Variants in SSPN observed in about 807,000 individuals in gnomAD.
SSPN encodes the protein sarcospan, also known as K-ras oncogene-associated protein.
SSPN carries 15 observed loss-of-function variants against 19.1 expected under a neutral mutation model. That is an observed-to-expected ratio of 0.78 (90% CI 0.52 to 1.21). The LOEUF (loss-of-function observed/expected upper bound fraction) is 1.21. Ranked by LOEUF, SSPN falls within the 50% of genes most tolerant of loss-of-function variation. The probability of loss-of-function intolerance (pLI) is 0.00; values close to 1 mark genes in which losing one functional copy is unlikely to be tolerated. For missense variants in SSPN, 291 were observed against 314.0 expected (o/e 0.93, Z 0.55); for synonymous variants, 147 against 140.3 (o/e 1.05, Z -0.34).
chr12:26,135,216 T>G (rs559060437), intron 1 of SSPN, among the ~76,000 whole-genome samples: 63 of 152,054 alleles, frequency 4.1e-4, no homozygotes, highest in African/African-American at 1.5e-3. Flanking sequence ...GGCGCAGAGT[T>G]TGGCCTGGCA....
rs1565671898 is a variant in SSPN at position 26,147,266 on chromosome 12, GGT to G, written c.-31+25115_-31+25116del. 5.4e-5 allele frequency among the ~76,000 whole-genome samples: 7 copies of G among 128,448 alleles called. No individual in the cohort carries two copies. In the South Asian group the frequency reaches 7.6e-4, roughly 14 times the overall value. 84.3% of individuals were successfully genotyped at this position (128,448 alleles called of 152,430 possible). On this transcript the variant is annotated intron_variant, in intron 1 of 2. Coordinates refer to the SSPN transcript ENST00000538142. ...AGAAAATGAAAACGATAATTTTTGG[GGT>G]TTTTTTTGTGTTTTTTTTTTTTGAG...
chr12:26,151,680 C>T (rs1384649761), intron 1 of SSPN, among the ~76,000 whole-genome samples: 1 of 152,112 alleles, frequency 6.6e-6, no homozygotes, highest in Non-Finnish European at 1.5e-5. Flanking sequence ...ATGACAAGAC[C>T]TGACCCTCAG....
At chr12:26,152,021 G>C (rs1283864076) in intron 1 of SSPN, among the ~76,000 whole-genome samples, 2 of 152,254 alleles carry the variant, frequency 1.3e-5, no homozygotes, top group African/African-American at 4.8e-5. Flanking sequence ...TCAATATTTT[G>C]TGCTATTCAT....
intron 1 of SSPN, among the ~76,000 whole-genome samples, chr12:26,137,274 A>G (rs970751050): frequency 7.9e-5 from 12 of 152,228 alleles, no homozygotes; most frequent in African/African-American, 2.9e-4. Context: ...GTCATTGCCC[A>G]TAATCTTGAC....
chr12:26,168,795 G>A (rs1281498627), intron 1 of SSPN, among the ~76,000 whole-genome samples: 2 of 152,166 alleles, frequency 1.3e-5, no homozygotes, highest in Non-Finnish European at 2.9e-5. Context: ...TTAGTGATTG[G>A]TTAGATGGAG....
At chr12:26,197,226 T>TAG (rs1362459568) in intron 1 of SSPN, among the ~76,000 whole-genome samples, 1 of 152,216 alleles carries the variant, frequency 6.6e-6, no homozygotes, top group African/African-American at 2.4e-5. Flanking sequence ...GGACAGACAT[T>TAG]AGAGAGACCT....
chr12:26,122,554 C>A, intron 1 of SSPN: 2 of 1,192,380 alleles, frequency 1.7e-6, no homozygotes, highest in Non-Finnish European at 1.0e-6. Context: ...CTGAGCAGGG[C>A]GGCGTCGGGT....
chr12:26,229,429 A>G (rs1483936577), intron 2 of SSPN, among the ~76,000 whole-genome samples: 2 of 152,248 alleles, frequency 1.3e-5, no homozygotes. Flanking sequence ...GTAAAAATGT[A>G]AATACAGCAT....
intron 1 of SSPN, among the ~76,000 whole-genome samples, chr12:26,218,780 G>A (rs1945087965): frequency 6.6e-6 from 1 of 152,190 alleles, no homozygotes; most frequent in African/African-American, 2.4e-5. Flanking sequence ...TGTGTTAACA[G>A]TCCTCCTAAG....
chr12:26,176,270 G>T (rs10842687), intron 1 of SSPN, among the ~76,000 whole-genome samples: 151,778 of 152,388 alleles, frequency 1, 75,586 homozygotes, highest in Middle Eastern at 1. Context: ...ATTCAGCCAC[G>T]CTATCTTTCA....
At chr12:26,163,459 T>C (rs947511161) in intron 1 of SSPN, among the ~76,000 whole-genome samples, 1 of 152,318 alleles carries the variant, frequency 6.6e-6, no homozygotes, top group East Asian at 1.9e-4. Context: ...TTATAAAGAA[T>C]AGAAATTTAT....
intron 1 of SSPN, among the ~76,000 whole-genome samples, chr12:26,219,453 G>A (rs907586691): frequency 2.0e-5 from 3 of 146,902 alleles, no homozygotes; most frequent in African/African-American, 7.6e-5. Flanking sequence ...AAGACAATGT[G>A]TGACAAGACT....
chr12:26,140,239 C>A (rs1205272592), intron 1 of SSPN, among the ~76,000 whole-genome samples: 1 of 152,136 alleles, frequency 6.6e-6, no homozygotes, highest in Non-Finnish European at 1.5e-5. Context: ...TGCTCCAAAC[C>A]CATGTAGTCT....
At chr12:26,153,136 C>T (rs961569185) in intron 1 of SSPN, among the ~76,000 whole-genome samples, 2 of 152,174 alleles carry the variant, frequency 1.3e-5, no homozygotes, top group Non-Finnish European at 2.9e-5. Context: ...CCGTCATATT[C>T]CCTTGTTCTC....
At chr12:26,177,529 C>T (rs1944691936) in intron 1 of SSPN, among the ~76,000 whole-genome samples, 1 of 152,146 alleles carries the variant, frequency 6.6e-6, no homozygotes, top group African/African-American at 2.4e-5. Context: ...ACCCATTCTG[C>T]CCCACCCGTA....
intron 1 of SSPN, among the ~76,000 whole-genome samples, chr12:26,137,798 G>A (rs1433222172): frequency 1.3e-5 from 2 of 150,330 alleles, no homozygotes; most frequent in Non-Finnish European, 3.0e-5. Context: ...CCGAGTAGCT[G>A]GGATTACAGG....
At chr12:26,189,015 T>TTTTTTG (rs887405400) in intron 1 of SSPN, among the ~76,000 whole-genome samples, 4 of 152,092 alleles carry the variant, frequency 2.6e-5, no homozygotes, top group Non-Finnish European at 5.9e-5. Context: ...ATCTAGGTGT[T>TTTTTTG]TTTTTGTTTT....
At chr12:26,223,479 G>A (rs1007061360) in intron 1 of SSPN, among the ~76,000 whole-genome samples, 2 of 151,574 alleles carry the variant, frequency 1.3e-5, no homozygotes, top group South Asian at 2.1e-4. Context: ...CGAAGTGTTG[G>A]GATGACAGGC....
intron 1 of SSPN, among the ~76,000 whole-genome samples, chr12:26,171,228 G>GTATA (rs2137432943): frequency 1.3e-5 from 2 of 152,328 alleles, no homozygotes; most frequent in South Asian, 4.1e-4. Flanking sequence ...AAATGAGTAT[G>GTATA]TATATAAATA....
Sources: gnomAD v4.1 joint callset for allele counts (sites outside exome capture counted in the v4.1 genomes callset) on GRCh38, gnomAD v4.1.1 for gene constraint, MANE v1.5 for transcripts, NCBI Gene and HGNC (gene_info 2026-07-23, HGNC 2026-07-21) for gene names.